HCFC1: variants seen among roughly 807,000 people sequenced by gnomAD.
The protein encoded by HCFC1 is host cell factor 1.
In HCFC1, 7 loss-of-function variants were observed where a neutral mutation model predicts 105.5. The observed-to-expected ratio is 0.07, with a 90% CI of 0.04 to 0.12. HCFC1 has a LOEUF of 0.12. Ranked by LOEUF, HCFC1 falls within the 10% of genes least tolerant of loss-of-function variation. The probability of loss-of-function intolerance (pLI) is 1.00; values close to 1 mark genes in which losing one functional copy is unlikely to be tolerated. For missense variants in HCFC1, 1,065 were observed against 1,823.6 expected (o/e 0.58, Z 7.58); for synonymous variants, 918 against 828.1 (o/e 1.11, Z -1.86).
chrX:153,957,578 A>G, intron 12 of HCFC1, 45 bp from the exon 13 acceptor site: 2 of 1,049,551 alleles, frequency 1.9e-6, no homozygotes, highest in Non-Finnish European at 2.6e-6. Context: ...ACTGCCAGGA[A>G]GGGAAGTGTG....
intron 25 of HCFC1, 54 bp downstream of exon 25, chrX:153,949,499 C>G: frequency 8.6e-7 from 1 of 1,168,350 alleles, no homozygotes; most frequent in Non-Finnish European, 1.2e-6. Context: ...AGGCTGAACC[C>G]AGCTATTTCC....
At chrX:153,960,923 G>A (rs921890212) in intron 6 of HCFC1, among the ~76,000 whole-genome samples, 3 of 112,683 alleles carry the variant, frequency 2.7e-5, no homozygotes, top group Admixed American at 9.3e-5. Context: ...AGGCGCCTAC[G>A]TGGGCACAGC....
intron 25 of HCFC1, 41 bp downstream of exon 25, chrX:153,949,512 C>T (rs781852446): frequency 6.8e-6 from 8 of 1,183,009 alleles, no homozygotes; most frequent in Non-Finnish European, 1.1e-6. Context: ...CTATTTCCAC[C>T]CCTAGTCTCA....
intron 5 of HCFC1, among the ~76,000 whole-genome samples, chrX:153,961,920 T>G (rs183405774): frequency 1.8e-5 from 2 of 112,133 alleles, no homozygotes; most frequent in East Asian, 5.6e-4. Flanking sequence ...GACCTGGACA[T>G]CCACAAAGAC....
rs782605753 is a variant in HCFC1, at chrX:153,955,010, T to C, written c.3389A>G (p.Asn1130Ser). 19 of 1,207,123 alleles carry C rather than the reference T, an allele frequency of 1.6e-5. No homozygotes were observed. Among genetic ancestry groups the C allele is most frequent in the South Asian group, 7.1e-5 (4 of 56,541 alleles). ...GGCCCGACGGGCATCTCGCTGGTGG[T>C]TGGCGCCGACGCTCGACATGGCTGT... is the stretch of plus-strand genomic sequence containing the variant. Reference protein sequence around the residue: ...ATTAMSSVGANHQRDARRACA... With the variant: ...ATTAMSSVGASHQRDARRACA... The change falls in exon 17 of 26, where the codon AAC (asparagine) becomes AGC (serine). Residue 1130 changes from asparagine (N) to serine (S), a missense_variant. By Grantham distance (46) the Asn-to-Ser change is conservative. Transcript: ENST00000310441.
rs782533746 is a variant in HCFC1 at position 153,970,718 on chromosome X, G to A, written c.123C>T (p.Ile41=). 2 of 1,209,512 alleles carry A rather than the reference G, an allele frequency of 1.7e-6. No homozygotes were observed. The highest frequency in any genetic ancestry group is 2.2e-6 in the Non-Finnish European group (2 of 894,125). ...RPRHGHRAVA[I]KELIVVFGGG... ...CGCCAAACACCACGATGAGCTCCTTGATGGCCACGGCGCGGTGGCCGTGGC... is the reference window on the plus strand; with the variant it reads ...CGCCAAACACCACGATGAGCTCCTTAATGGCCACGGCGCGGTGGCCGTGGC... Residue 41 remains isoleucine, a synonymous_variant, in exon 1 of 26, where the codon ATC becomes ATT. Transcript: ENST00000310441.
At chrX:153,957,689 CATGGG>C in intron 12 of HCFC1, 88 bp downstream of exon 12, 1 of 791,963 alleles carries the variant, frequency 1.3e-6, no homozygotes, top group Non-Finnish European at 1.9e-6. Context: ...CATGTGTGCT[CATGGG>C]ATCTTCCATG....
Position 153,970,885 on chromosome X carries a change from G to A in HCFC1, c.-45C>T. ...GTGGGGAGAAGTCAACAAGCGGGAA[G>A]GGAGCCCCTCAATTCCTTTCACACA... On this transcript the variant is annotated 5_prime_UTR_variant, in exon 1 of 26. Coordinates refer to ENST00000310441, the MANE Select transcript of HCFC1 (RefSeq NM_005334.3). 1.0e-5 allele frequency: 11 copies of A among 1,056,773 alleles called. No individual in the cohort carries two copies. Among genetic ancestry groups the A allele is most frequent in the Non-Finnish European group, 1.4e-5 (11 of 794,396 alleles). The allele number at this position is 1,056,773 out of a possible 1,213,427, so 87.1% of individuals were successfully genotyped here.
In HCFC1 at chrX:153,954,244, C is replaced by T. The variant is rs782737106; in HGVS notation, c.4155G>A (p.Arg1385=). 9.9e-6 allele frequency: 12 copies of T among 1,206,795 alleles called. No individual in the cohort carries two copies. The highest frequency in any genetic ancestry group is 1.3e-5 in the Non-Finnish European group (12 of 892,561). Reference sequence around the variant, plus strand: ...CCACCTCTAGGCCAGACTCCACGGTCCTGTGGGAAGAAGTGGCGTCGGGAA... The same window carrying T: ...CCACCTCTAGGCCAGACTCCACGGTTCTGTGGGAAGAAGTGGCGTCGGGAA... ...ALLPDATSSH[R]TVESGLEVAA... The change falls in exon 17 of 26, where the codon AGG becomes AGA. Residue 1385 remains arginine (R), a synonymous_variant. Transcript: ENST00000310441.
At chrX:153,951,550 C>G (rs373801471) in intron 21 of HCFC1, 39 bp downstream of exon 21, 38 of 1,204,953 alleles carry the variant, frequency 3.2e-5, no homozygotes, top group Non-Finnish European at 3.7e-5. Flanking sequence ...TGCTGCCCCC[C>G]AGGCCACGGA....
Position 153,948,109 on chromosome X carries a change from G to A in HCFC1, c.*1238C>T, listed in dbSNP as rs939918270. On this transcript the variant is annotated 3_prime_UTR_variant, in exon 26 of 26. Transcript: ENST00000310441. Reference sequence around the variant, plus strand: ...CTCCATTCTCCACCCTTTCCATGACGATTTGGGGGAGGTGGAGCAGTGGCT... The same window carrying A: ...CTCCATTCTCCACCCTTTCCATGACAATTTGGGGGAGGTGGAGCAGTGGCT... 2.0e-4 allele frequency: 22 copies of A among 111,590 alleles called. No individual in the cohort carries two copies. Among genetic ancestry groups the A allele is most frequent in the African/African-American group, 6.5e-4 (20 of 30,658 alleles). The allele number at this position is 111,590 out of a possible 1,213,427, so 9.2% of individuals were successfully genotyped here. A position where few individuals can be genotyped will look rare whatever the true frequency, so the allele number is the denominator to read the frequency against.
Position 153,971,619 on chromosome X carries a change from T to C in HCFC1, c.-779A>G. On this transcript the variant is annotated 5_prime_UTR_variant, in exon 1 of 26. Transcript: ENST00000310441. Reference sequence around the variant, plus strand: ...GAGACTAGCTCCCCGTTCCCCCCTATTCTCTTCCTCCTAGGTCAGTTCTTC... The same window carrying C: ...GAGACTAGCTCCCCGTTCCCCCCTACTCTCTTCCTCCTAGGTCAGTTCTTC... 1 of 291,192 alleles carries C rather than the reference T, an allele frequency of 3.4e-6. No homozygotes were observed. The highest frequency in any genetic ancestry group is 6.0e-6 in the Non-Finnish European group (1 of 166,293). 24.0% of individuals were successfully genotyped at this position (291,192 alleles called of 1,213,427 possible).
At position 153,954,478 on chromosome X, in the gene HCFC1, G is replaced by A. The variant is rs1258653943; in HGVS notation, c.3921C>T (p.Thr1307=). 1.7e-6 allele frequency: 2 copies of A among 1,209,754 alleles called. No individual in the cohort carries two copies. The highest frequency in any genetic ancestry group is 1.8e-5 in the African/African-American group (1 of 57,120). The change falls in exon 17 of 26, where the codon ACC becomes ACT. Residue 1307 remains threonine, a synonymous_variant. Transcript: ENST00000310441. ...HETGTTNTAT[T]SNAGSAQRVC... is the part of the protein sequence containing the mutation. ...CCCTCTGGGCGCTGCCTGCATTCGA[G>A]GTAGTGGCGGTGTTGGTGGTGCCTG...
intron 1 of HCFC1, among the ~76,000 whole-genome samples, chrX:153,965,614 C>G (rs1326484371): frequency 8.9e-6 from 1 of 112,353 alleles, no homozygotes; most frequent in Non-Finnish European, 1.9e-5. Flanking sequence ...AACCCCGACT[C>G]TGTGCCTCTG....
rs376200438 is a variant in HCFC1, at chrX:153,952,094, G to A, written c.5007C>T (p.His1669=). ...GGCCCTCCTGACCCTCGGCCGACAG[G>A]TGCCCCAGCTCCGCCTGAGTCACGG... is the stretch of plus-strand genomic sequence containing the variant. ...AATVTQAELG[H]LSAEGQEGQA... is the part of the protein sequence containing the mutation. Residue 1669 remains histidine (H), a synonymous_variant, in exon 20 of 26, where the codon CAC becomes CAT. Coordinates refer to ENST00000310441, the MANE Select transcript of HCFC1 (RefSeq NM_005334.3). The A allele has an allele frequency of 1.7e-6, 2 of 1,157,960 alleles. No individual in the cohort carries two copies. Among genetic ancestry groups the A allele is most frequent in the Non-Finnish European group, 2.3e-6 (2 of 870,249 alleles).
Position 153,955,316 on chromosome X carries a change from G to C in HCFC1, c.3083C>G (p.Thr1028Arg), listed in dbSNP as rs947659513. 1.6e-5 allele frequency: 19 copies of C among 1,210,540 alleles called. No homozygotes were observed. Among genetic ancestry groups the C allele is most frequent in the Non-Finnish European group, 2.0e-5 (18 of 895,094 alleles). ...CETHETGTTN[T>R]ATTTVVANLG... ...GTTAGCCACAACAGTAGTGGTGGCC[G>C]TGTTGGTGGTGCCAGTCTCGTGGGT... is the stretch of plus-strand genomic sequence containing the variant. The change falls in exon 17 of 26, where the codon ACG becomes AGG. Residue 1028 changes from threonine to arginine, a missense_variant. By Grantham distance (71) the Thr-to-Arg change is moderately conservative (BLOSUM62 -1). This residue lies in a region of HCFC1 where 546 missense variants were observed against 599.9 expected (regional missense o/e 0.91). Coordinates refer to ENST00000310441, the MANE Select transcript of HCFC1 (RefSeq NM_005334.3).
At chrX:153,953,949 T>C (rs973127207) in intron 17 of HCFC1, 117 bp downstream of exon 17, 28 of 961,027 alleles carry the variant, frequency 2.9e-5, no homozygotes, top group East Asian at 1.6e-4. Flanking sequence ...CACTGGTAAA[T>C]TGGGTGCCAA....
chrX:153,964,075 T>A (rs782100268), intron 3 of HCFC1, 49 bp downstream of exon 3: 13 of 1,105,491 alleles, frequency 1.2e-5, no homozygotes, highest in Non-Finnish European at 1.6e-5. Flanking sequence ...CCTGTGCATG[T>A]GAGAGCACAC....
At chrX:153,967,312 A>G (rs2065481908) in intron 1 of HCFC1, among the ~76,000 whole-genome samples, 2 of 111,322 alleles carry the variant, frequency 1.8e-5, no homozygotes, top group Admixed American at 1.9e-4. Flanking sequence ...GCACTAGATG[A>G]AGACCACTCC....
Sources: allele counts gnomAD v4.1 joint callset (sites outside exome capture counted in the v4.1 genomes callset), GRCh38; gene constraint gnomAD v4.1.1; regional missense constraint gnomAD v4.1.1; transcripts MANE v1.5; gene names NCBI Gene and HGNC (gene_info 2026-07-23, HGNC 2026-07-21).